LRRC4C: variants seen among roughly 807,000 people sequenced by gnomAD.
LRRC4C encodes leucine-rich repeat-containing protein 4C.
A neutral mutation model predicts 33.6 loss-of-function variants in LRRC4C; 5 were observed. That is an observed-to-expected ratio of 0.15 (90% CI 0.08 to 0.31). The LOEUF (loss-of-function observed/expected upper bound fraction) is 0.31, where lower values mean the gene tolerates loss of function less well. Ranked by LOEUF, LRRC4C falls within the 10% of genes least tolerant of loss-of-function variation. The pLI is 1.00. For synonymous variants in LRRC4C, 329 were observed against 302.0 expected, an observed-to-expected ratio of 1.09 and a Z score of -0.93; for missense variants, 560 against 796.7, an observed-to-expected ratio of 0.70 and a Z score of 3.58.
intron 1 of LRRC4C, among the ~76,000 whole-genome samples, chr11:41,049,731 C>T (rs1298998734): frequency 6.6e-6 from 1 of 152,130 alleles, no homozygotes; most frequent in Non-Finnish European, 1.5e-5. Flanking sequence ...TCCATCTGGG[C>T]ATTGGTAGAA....
chr11:40,541,068 T>C (rs563016927), intron 3 of LRRC4C, among the ~76,000 whole-genome samples: 1 of 152,314 alleles, frequency 6.6e-6, no homozygotes, highest in Admixed American at 6.5e-5. Context: ...CCTTCAACTC[T>C]TTCATAGAAA....
chr11:40,467,722 A>C (rs543646029), intron 3 of LRRC4C, among the ~76,000 whole-genome samples: 1 of 152,290 alleles, frequency 6.6e-6, no homozygotes, highest in East Asian at 1.9e-4. Context: ...TCAAAATTCT[A>C]ACAGAACCCT....
intron 1 of LRRC4C, among the ~76,000 whole-genome samples, chr11:41,010,465 T>C (rs557999788): frequency 5.9e-5 from 9 of 152,294 alleles, no homozygotes; most frequent in African/African-American, 2.2e-4. Context: ...GAACTGAGAA[T>C]ACTTTTATAC....
rs559615460 is a variant in LRRC4C, at chr11:40,672,206, T to G, written c.-406-23928A>C. Reference sequence around the variant, plus strand: ...TAAGGGCCAGATTTCTAGGTGTGTTTCATAGATGATGCCCTCTCACTGTGT... The same window carrying G: ...TAAGGGCCAGATTTCTAGGTGTGTTGCATAGATGATGCCCTCTCACTGTGT... On this transcript the variant is annotated intron_variant, in intron 2 of 6. Transcript: ENST00000528697. Among the ~76,000 whole-genome samples the G allele has an allele frequency of 7.9e-5, 12 of 152,258 alleles. No homozygotes were observed. In the South Asian group the frequency reaches 2.5e-3, roughly 32 times the overall value.
chr11:41,268,506 A>AC (rs1949222250), intron 1 of LRRC4C, among the ~76,000 whole-genome samples: 1 of 152,168 alleles, frequency 6.6e-6, no homozygotes, highest in South Asian at 2.1e-4. Flanking sequence ...TTACTTAGCA[A>AC]CCAGACTCTT....
intron 2 of LRRC4C, among the ~76,000 whole-genome samples, chr11:40,751,449 A>G (rs893020898): frequency 4.6e-5 from 7 of 152,126 alleles, no homozygotes; most frequent in Non-Finnish European, 8.8e-5. Flanking sequence ...ATAGTCAGTA[A>G]TGTTTGTAAA....
intron 1 of LRRC4C, among the ~76,000 whole-genome samples, chr11:41,298,335 C>T (rs1470552018): frequency 6.6e-6 from 1 of 152,110 alleles, no homozygotes; most frequent in African/African-American, 2.4e-5. Context: ...GTCATGCTCT[C>T]CTGGGACTTC....
chr11:40,691,568 A>T (rs1038209717), intron 2 of LRRC4C, among the ~76,000 whole-genome samples: 2 of 152,152 alleles, frequency 1.3e-5, no homozygotes, highest in African/African-American at 4.8e-5. Context: ...AAATACTCAG[A>T]GAAGAAATAA....
At chr11:41,003,600 A>C (rs537015390) in intron 1 of LRRC4C, among the ~76,000 whole-genome samples, 44 of 152,214 alleles carry the variant, frequency 2.9e-4, no homozygotes, top group Non-Finnish European at 4.4e-5. Flanking sequence ...TTCCTCTGAT[A>C]TGCTTCACTA....
intron 2 of LRRC4C, among the ~76,000 whole-genome samples, chr11:40,799,656 G>A (rs1479185664): frequency 6.6e-6 from 1 of 152,170 alleles, no homozygotes; most frequent in African/African-American, 2.4e-5. Context: ...TTTTAGTAGA[G>A]AAGGGGTTTT....
At chr11:40,344,540 A>G (rs1019928601) in intron 3 of LRRC4C, among the ~76,000 whole-genome samples, 2 of 152,194 alleles carry the variant, frequency 1.3e-5, no homozygotes, top group Non-Finnish European at 2.9e-5. Context: ...ACCCACAGCC[A>G]ACATCATAAT....
At chr11:40,719,036 G>T (rs992737727) in intron 2 of LRRC4C, among the ~76,000 whole-genome samples, 1 of 152,070 alleles carries the variant, frequency 6.6e-6, no homozygotes, top group Admixed American at 6.5e-5. Flanking sequence ...TCTTTTGACG[G>T]CCCTTGCTGA....
At chr11:41,310,226 CATCTT>C (rs1235790333) in intron 1 of LRRC4C, among the ~76,000 whole-genome samples, 1 of 152,188 alleles carries the variant, frequency 6.6e-6, no homozygotes, top group Admixed American at 6.5e-5. Flanking sequence ...ATACACATCT[CATCTT>C]AAATATTCTT....
chr11:41,385,358 G>C (rs1953319188), intron 1 of LRRC4C, among the ~76,000 whole-genome samples: 1 of 151,270 alleles, frequency 6.6e-6, no homozygotes, highest in Non-Finnish European at 1.5e-5. Flanking sequence ...CCAACCTACT[G>C]GGCCACAAAA....
chr11:40,976,967 G>A (rs887287954), intron 1 of LRRC4C, among the ~76,000 whole-genome samples: 40 of 152,096 alleles, frequency 2.6e-4, no homozygotes, highest in Admixed American at 3.9e-4. Flanking sequence ...ACAACTCATC[G>A]TAATATTGAA....
At chr11:41,437,485 T>A (rs1413414863) in intron 1 of LRRC4C, among the ~76,000 whole-genome samples, 3 of 151,940 alleles carry the variant, frequency 2.0e-5, no homozygotes, top group Admixed American at 2.0e-4. Context: ...GGATTTAATG[T>A]GGATTTAGTG....
At chr11:40,953,522 C>T (rs10768654) in intron 1 of LRRC4C, among the ~76,000 whole-genome samples, 36,031 of 151,708 alleles carry the variant, frequency 0.24, 4,648 homozygotes, top group Middle Eastern at 0.32. Flanking sequence ...TATGTAATTT[C>T]ATAAGCATAT....
intron 4 of LRRC4C, among the ~76,000 whole-genome samples, chr11:40,297,212 C>T (rs1944556814): frequency 6.6e-6 from 1 of 152,142 alleles, no homozygotes; most frequent in Non-Finnish European, 1.5e-5. Flanking sequence ...CTGTAGGCAA[C>T]TCTATTGAAG....
intron 2 of LRRC4C, among the ~76,000 whole-genome samples, chr11:40,901,535 A>G (rs998060772): frequency 6.6e-6 from 1 of 152,124 alleles, no homozygotes; most frequent in African/African-American, 2.4e-5. Context: ...AAAGGTTTAG[A>G]GTTGCAGTGT....
Sources: allele counts gnomAD v4.1 joint callset (sites outside exome capture counted in the v4.1 genomes callset), GRCh38; gene constraint gnomAD v4.1.1; transcripts MANE v1.5; gene names NCBI Gene and HGNC (gene_info 2026-07-23, HGNC 2026-07-21).